The following CDH10 variants were observed in gnomAD, a reference collection of about 807,000 sequenced individuals.
CDH10 encodes the protein cadherin 10.
CDH10 carries 30 observed loss-of-function variants against 73.1 expected under a neutral mutation model. The ratio of observed to expected loss-of-function variants is 0.41; its 90% CI spans 0.31 to 0.56. CDH10 has a LOEUF of 0.56. Among genes scored for constraint, CDH10 ranks in the 20% least tolerant of loss-of-function variants. The pLI, the probability that CDH10 is intolerant of heterozygous loss-of-function variation, is 0.27. For synonymous variants in CDH10, 345 were observed against 348.2 expected (o/e 0.99, Z 0.10); for missense variants, 815 against 973.7 (o/e 0.84, Z 2.17).
At chr5:24,605,587 A>G (rs989717011) in intron 1 of CDH10, among the ~76,000 whole-genome samples, 6 of 152,234 alleles carry the variant, frequency 3.9e-5, no homozygotes, top group African/African-American at 1.4e-4. Flanking sequence ...ACTGATATAG[A>G]GTAATTGAAA....
At chr5:24,523,464 C>T (rs983845037) in intron 5 of CDH10, among the ~76,000 whole-genome samples, 18 of 151,982 alleles carry the variant, frequency 1.2e-4, no homozygotes, top group Non-Finnish European at 1.5e-4. Context: ...AAAAAAATTA[C>T]CATATCAATG....
At chr5:24,561,359 TA>T (rs991087853) in intron 2 of CDH10, among the ~76,000 whole-genome samples, 4 of 152,150 alleles carry the variant, frequency 2.6e-5, no homozygotes, top group African/African-American at 4.8e-5. Flanking sequence ...CAAATAAAAT[TA>T]AAAATAATTA....
At chr5:24,627,869 G>A (rs1160474436) in intron 1 of CDH10, among the ~76,000 whole-genome samples, 4 of 151,690 alleles carry the variant, frequency 2.6e-5, no homozygotes, top group Non-Finnish European at 4.4e-5. Flanking sequence ...ACACACGCAC[G>A]CCACACACAC....
intron 1 of CDH10, among the ~76,000 whole-genome samples, chr5:24,644,272 C>A (rs983698571): frequency 6.6e-6 from 1 of 152,124 alleles, no homozygotes; most frequent in Non-Finnish European, 1.5e-5. Context: ...CTGGGCATGA[C>A]AAATTCACTT....
At position 24,508,061 on chromosome 5, in the gene CDH10, A is replaced by G. The variant is rs1579733610; in HGVS notation, c.1256+1505T>C. Among the ~76,000 whole-genome samples the G allele has an allele frequency of 2.6e-5, 4 of 152,348 alleles. 1 individual carries two copies. The highest frequency in any genetic ancestry group is 2.6e-4 in the Admixed American group (4 of 15,294). ...AGAAGTTTCCTGCATGCGCTGTGGC[A>G]TATGTAGGAGAAAGGTAAGAGTGCG... On this transcript the variant is annotated intron_variant, in intron 7 of 11. Coordinates refer to ENST00000264463, the MANE Select transcript of CDH10 (RefSeq NM_006727.5).
At chr5:24,568,358 A>C (rs1745240123) in intron 2 of CDH10, among the ~76,000 whole-genome samples, 1 of 152,170 alleles carries the variant, frequency 6.6e-6, no homozygotes, top group Non-Finnish European at 1.5e-5. Context: ...ATTTCTCCAA[A>C]GAAGACATCC....
chr5:24,613,819 T>C (rs1747036711), intron 1 of CDH10, among the ~76,000 whole-genome samples: 1 of 152,194 alleles, frequency 6.6e-6, no homozygotes, highest in South Asian at 2.1e-4. Flanking sequence ...ATTGCTCCCT[T>C]ACCCCACTAA....
chr5:24,579,553 C>T (rs960303292), intron 2 of CDH10, among the ~76,000 whole-genome samples: 2 of 152,024 alleles, frequency 1.3e-5, no homozygotes, highest in Non-Finnish European at 2.9e-5. Flanking sequence ...GGACTCACTA[C>T]ATCATGAAAT....
intron 2 of CDH10, chr5:24,554,149 G>C (rs1246097452): frequency 2.2e-5 from 2 of 90,624 alleles, no homozygotes; most frequent in African/African-American, 8.0e-5. Flanking sequence ...TCAGCCCTCA[G>C]GAACTCTAGC....
intron 1 of CDH10, among the ~76,000 whole-genome samples, chr5:24,605,607 C>T (rs1746733571): frequency 6.6e-6 from 1 of 152,186 alleles, no homozygotes; most frequent in South Asian, 2.1e-4. Flanking sequence ...ACTTCCATAC[C>T]TTGCTGGTGG....
rs2111649664 is a variant in CDH10 at position 24,492,855 on chromosome 5, G to A, written c.1586C>T (p.Ala529Val). 6.4e-7 allele frequency: 1 copy of A among 1,574,144 alleles called. No individual in the cohort carries two copies. The highest frequency in any genetic ancestry group is 1.1e-5 in the South Asian group (1 of 90,250). The change falls in exon 10 of 12, where the codon GCT (alanine) becomes GTT (valine). Residue 529 changes from alanine to valine, a missense_variant. By Grantham distance (64) the Ala-to-Val change is moderately conservative. Coordinates refer to ENST00000264463, the MANE Select transcript of CDH10 (RefSeq NM_006727.5). Reference protein sequence around the residue: ...LGGQKFFFSLAAVNPNFTVQD... With the variant: ...LGGQKFFFSLVAVNPNFTVQD... ...TACTGTGAAGTTTGGATTGACAGCA[G>A]CTAAACTGAAAAAAAATTTCTGTCC...
At chr5:24,582,022 T>C (rs1447609016) in intron 2 of CDH10, among the ~76,000 whole-genome samples, 1 of 152,196 alleles carries the variant, frequency 6.6e-6, no homozygotes, top group Non-Finnish European at 1.5e-5. Flanking sequence ...TTTTACTGGT[T>C]ACAACTTAGG....
At chr5:24,562,605 A>T (rs1464743116) in intron 2 of CDH10, among the ~76,000 whole-genome samples, 2 of 152,230 alleles carry the variant, frequency 1.3e-5, no homozygotes, top group East Asian at 3.9e-4. Context: ...CCACTGTAAA[A>T]CTTGATTGTC....
At chr5:24,534,889 T>A (rs1004471189) in intron 5 of CDH10, among the ~76,000 whole-genome samples, 1 of 147,776 alleles carries the variant, frequency 6.8e-6, no homozygotes, top group Non-Finnish European at 1.5e-5. Flanking sequence ...GGATCATAGG[T>A]CTTCCTGTCT....
At chr5:24,538,783 C>T (rs1169302126) in intron 2 of CDH10, among the ~76,000 whole-genome samples, 2 of 152,004 alleles carry the variant, frequency 1.3e-5, no homozygotes, top group Non-Finnish European at 2.9e-5. Flanking sequence ...AATGGACAGG[C>T]AGTTGCCAGA....
intron 5 of CDH10, among the ~76,000 whole-genome samples, chr5:24,513,081 A>G (rs922291764): frequency 4.7e-5 from 7 of 148,912 alleles, no homozygotes; most frequent in Non-Finnish European, 1.0e-4. Flanking sequence ...GTGCAGTGAC[A>G]TGATCTTGGC....
chr5:24,616,697 T>C (rs1428508662), intron 1 of CDH10, among the ~76,000 whole-genome samples: 4 of 152,178 alleles, frequency 2.6e-5, no homozygotes, highest in Non-Finnish European at 4.4e-5. Flanking sequence ...GGCACTCAGA[T>C]GCTTTCATTG....
At chr5:24,556,178 G>A (rs571626905) in intron 2 of CDH10, among the ~76,000 whole-genome samples, 5 of 152,102 alleles carry the variant, frequency 3.3e-5, no homozygotes, top group South Asian at 2.1e-4. Flanking sequence ...GTCTGCTCTC[G>A]TAGTTAGTAT....
Position 24,491,804 on chromosome 5 carries a change from T to C in CDH10, c.1648A>G (p.Arg550Gly). 6.2e-7 allele frequency: 1 copy of C among 1,600,818 alleles called. No individual in the cohort carries two copies. The highest frequency in any genetic ancestry group is 8.6e-7 in the Non-Finnish European group (1 of 1,168,652). ...NEDNTARILTRKNGFNRHEIS... is the reference protein window; with the variant it reads ...NEDNTARILTGKNGFNRHEIS... ...TCATGTCTATTGAATCCATTTTTTC[T>C]GGTTAAGATTCTGGCAGTATTATCT... Residue 550 changes from arginine to glycine, a missense_variant, in exon 11 of 12, where the codon AGA becomes GGA. Transcript: ENST00000264463.
Sources: gnomAD v4.1 joint callset for allele counts (sites outside exome capture counted in the v4.1 genomes callset) on GRCh38, gnomAD v4.1.1 for gene constraint, MANE v1.5 for transcripts, NCBI Gene and HGNC (gene_info 2026-07-23, HGNC 2026-07-21) for gene names.